XYLT1: variants seen among roughly 807,000 people sequenced by gnomAD.
XYLT1 encodes the protein beta-D-xylosyltransferase 1.
XYLT1 carries 36 observed loss-of-function variants against 91.3 expected under a neutral mutation model. That is an observed-to-expected ratio of 0.39 (90% CI 0.30 to 0.52). The LOEUF (loss-of-function observed/expected upper bound fraction) is 0.52. XYLT1 is among the 20% of genes least tolerant of loss of function. The probability of loss-of-function intolerance (pLI) is 0.68; values close to 1 mark genes in which losing one functional copy is unlikely to be tolerated. For synonymous variants in XYLT1, 588 were observed against 532.0 expected (o/e 1.11, Z -1.45); for missense variants, 1,242 against 1,284.5 (o/e 0.97, Z 0.51).
intron 5 of XYLT1, among the ~76,000 whole-genome samples, chr16:17,175,697 C>G (rs1209586495): frequency 6.6e-6 from 1 of 152,206 alleles, no homozygotes; most frequent in Admixed American, 6.5e-5. Context: ...GGGATCCAGA[C>G]CTTCCCCCAG....
chr16:17,470,454 C>G lies in XYLT1; in HGVS notation c.343G>C (p.Ala115Pro), dbSNP rs61758388. ...CTTACCAGAGCCCGGGCGGGCAGTG[C>G]CCCCCGGCTGGCCGGCTGCTGTCCC... ...PRGQQPASRG[A>P]LPARALDPHP... Residue 115 changes from alanine to proline, a missense_variant, in exon 1 of 12, where the codon GCA becomes CCA. Physicochemically the swap from Ala to Pro is conservative, Grantham distance 27. This residue lies in a region of XYLT1 where 437 missense variants were observed against 411.5 expected (regional missense o/e 1.06). Transcript: ENST00000261381. The G allele has an allele frequency of 1.6e-6, 2 of 1,230,658 alleles. No homozygotes were observed. The highest frequency in any genetic ancestry group is 1.0e-6 in the Non-Finnish European group (1 of 986,986). The allele number at this position is 1,230,658 out of a possible 1,614,324, so 76.2% of individuals were successfully genotyped here. A position where few individuals can be genotyped will look rare whatever the true frequency, so the allele number is the denominator to read the frequency against.
chr16:17,224,527 A>G (rs1433929543), intron 3 of XYLT1, among the ~76,000 whole-genome samples: 1 of 152,164 alleles, frequency 6.6e-6, no homozygotes, highest in Non-Finnish European at 1.5e-5. Context: ...AGCTATCACA[A>G]TTTAGAAAGC....
intron 1 of XYLT1, among the ~76,000 whole-genome samples, chr16:17,371,756 T>C (rs1355220102): frequency 6.6e-6 from 1 of 152,176 alleles, no homozygotes; most frequent in Non-Finnish European, 1.5e-5. Flanking sequence ...TAAAATGAGG[T>C]TTATCACATC....
intron 1 of XYLT1, among the ~76,000 whole-genome samples, chr16:17,431,938 T>C (rs973718671): frequency 1.1e-4 from 16 of 152,142 alleles, no homozygotes; most frequent in Admixed American, 1.0e-3. Context: ...CTGGGGGATA[T>C]AATGTGAAAC....
chr16:17,160,032 T>C (rs2031509464), intron 5 of XYLT1, among the ~76,000 whole-genome samples: 1 of 152,152 alleles, frequency 6.6e-6, no homozygotes, highest in Non-Finnish European at 1.5e-5. Context: ...AAAAAACATC[T>C]CTGGGGTTAT....
chr16:17,442,200 T>G (rs891058374), intron 1 of XYLT1, among the ~76,000 whole-genome samples: 1 of 152,194 alleles, frequency 6.6e-6, no homozygotes, highest in African/African-American at 2.4e-5. Flanking sequence ...CCGCAGGCCT[T>G]GGGACTTCTC....
At chr16:17,245,932 T>C (rs145375444) in intron 3 of XYLT1, among the ~76,000 whole-genome samples, 1,953 of 152,322 alleles carry the variant, frequency 0.013, 23 homozygotes, top group Admixed American at 0.027. Flanking sequence ...TGGATGGGAT[T>C]GGCGCCCCCG....
At chr16:17,328,878 C>T (rs1421482163) in intron 2 of XYLT1, among the ~76,000 whole-genome samples, 2 of 152,148 alleles carry the variant, frequency 1.3e-5, no homozygotes, top group Non-Finnish European at 2.9e-5. Flanking sequence ...CTTAACTCTC[C>T]AGAAATGAGG....
intron 5 of XYLT1, among the ~76,000 whole-genome samples, chr16:17,173,944 G>A (rs770402953): frequency 1.3e-5 from 2 of 152,130 alleles, no homozygotes; most frequent in African/African-American, 4.8e-5. Flanking sequence ...TTATCTGGTA[G>A]CCCTTGTTTT....
At chr16:17,446,339 T>C (rs2036591070) in intron 1 of XYLT1, 1 of 152,220 alleles carries the variant, frequency 6.6e-6, no homozygotes, top group Non-Finnish European at 1.5e-5. Flanking sequence ...TTTATGTACT[T>C]CATCTTTAAA....
At chr16:17,265,184 C>T (rs1200367868) in intron 2 of XYLT1, among the ~76,000 whole-genome samples, 3 of 152,098 alleles carry the variant, frequency 2.0e-5, no homozygotes, top group African/African-American at 7.2e-5. Flanking sequence ...GAGACTCTGT[C>T]TCAAAACAAA....
intron 4 of XYLT1, among the ~76,000 whole-genome samples, chr16:17,200,078 G>A (rs1422831203): frequency 2.6e-5 from 4 of 151,860 alleles, no homozygotes; most frequent in African/African-American, 7.3e-5. Flanking sequence ...AAAATTAGCC[G>A]GGTGTGGTGG....
At chr16:17,177,939 G>A (rs563439004) in intron 5 of XYLT1, among the ~76,000 whole-genome samples, 1 of 152,348 alleles carries the variant, frequency 6.6e-6, no homozygotes, top group East Asian at 1.9e-4. Flanking sequence ...GCAGAAACTT[G>A]GGGTAAGTGC....
At chr16:17,368,024 G>A (rs2035477035) in intron 1 of XYLT1, among the ~76,000 whole-genome samples, 1 of 152,110 alleles carries the variant, frequency 6.6e-6, no homozygotes. Context: ...TCCTTCACAA[G>A]AGCCTCTGAC....
At chr16:17,405,049 T>C (rs2036013978) in intron 1 of XYLT1, among the ~76,000 whole-genome samples, 1 of 152,180 alleles carries the variant, frequency 6.6e-6, no homozygotes, top group South Asian at 2.1e-4. Flanking sequence ...AGAGGGCCCC[T>C]GGTTAATCAA....
At chr16:17,441,988 A>G (rs2036537833) in intron 1 of XYLT1, among the ~76,000 whole-genome samples, 1 of 151,354 alleles carries the variant, frequency 6.6e-6, no homozygotes, top group Non-Finnish European at 1.5e-5. Flanking sequence ...CTTTGAGGAT[A>G]TTTCTGGTTG....
In XYLT1 at chr16:17,117,669, G is replaced by C. The variant is rs1472344224; in HGVS notation, c.2534C>G (p.Ser845Trp). The change falls in exon 11 of 12, where the codon TCG becomes TGG. Residue 845 changes from serine to tryptophan, a missense_variant. Ser to Trp is a radical substitution (Grantham distance 177, BLOSUM62 -3). This residue lies in a region of XYLT1 where 511 missense variants were observed against 497.0 expected (regional missense o/e 1.03). Coordinates refer to ENST00000261381, the MANE Select transcript of XYLT1 (RefSeq NM_022166.4). Reference sequence around the variant, plus strand: ...ACCAGGTTTGATGGGCTGCCTGTTCGAGAAGGTCAGAGGCGCAACGAGGAA... The same window carrying C: ...ACCAGGTTTGATGGGCTGCCTGTTCCAGAAGGTCAGAGGCGCAACGAGGAA... ...TKFLVAPLTF[S>W]NRQPIKPEEA... 1.9e-6 allele frequency: 3 copies of C among 1,612,320 alleles called. No homozygotes were observed. Among genetic ancestry groups the C allele is most frequent in the Admixed American group, 1.7e-5 (1 of 60,000 alleles).
intron 2 of XYLT1, chr16:17,338,260 C>A (rs141940420): frequency 2.0e-5 from 9 of 456,514 alleles, no homozygotes; most frequent in African/African-American, 1.6e-4. Context: ...TGATCTTGGA[C>A]CATGCTCTTC....
At chr16:17,262,285 G>T (rs982210634) in intron 2 of XYLT1, among the ~76,000 whole-genome samples, 18 of 152,170 alleles carry the variant, frequency 1.2e-4, no homozygotes, top group African/African-American at 4.3e-4. Context: ...TCCAACGTAG[G>T]CACTACTGTT....
Sources: allele counts gnomAD v4.1 joint callset (sites outside exome capture counted in the v4.1 genomes callset), GRCh38; gene constraint gnomAD v4.1.1; regional missense constraint gnomAD v4.1.1; transcripts MANE v1.5; gene names NCBI Gene and HGNC (gene_info 2026-07-23, HGNC 2026-07-21).